STK40: variants seen among roughly 807,000 people sequenced by gnomAD.
STK40 encodes the protein serine/threonine kinase 40.
In STK40, 13 loss-of-function variants were observed where a neutral mutation model predicts 47.9. The ratio of observed to expected loss-of-function variants is 0.27; its 90% CI spans 0.18 to 0.43. The LOEUF (loss-of-function observed/expected upper bound fraction) is 0.43. STK40 is among the 20% of genes least tolerant of loss of function. The pLI is 1.00. For synonymous variants in STK40, 225 were observed against 243.2 expected (o/e 0.93, Z 0.69); for missense variants, 460 against 595.1 (o/e 0.77, Z 2.36).
chr1:36,362,992 C>G (rs912781765), intron 1 of STK40, among the ~76,000 whole-genome samples: 1 of 152,156 alleles, frequency 6.6e-6, no homozygotes, highest in Non-Finnish European at 1.5e-5. Flanking sequence ...CCCGTCTCTA[C>G]TAAAAATACA....
chr1:36,382,337 G>A (rs1483156308), intron 1 of STK40, among the ~76,000 whole-genome samples: 2 of 151,998 alleles, frequency 1.3e-5, no homozygotes, highest in African/African-American at 2.4e-5. Context: ...GTATGACCAT[G>A]CCCAGCTAAT....
intron 4 of STK40, 39 bp downstream of exon 4, chr1:36,358,200 C>A (rs779294518): frequency 2.0e-6 from 3 of 1,537,136 alleles, no homozygotes; most frequent in Admixed American, 3.6e-5. Context: ...CAGAGCCAGC[C>A]AGAGGTGAGC....
intron 1 of STK40, among the ~76,000 whole-genome samples, chr1:36,374,383 T>C (rs1218530641): frequency 6.6e-6 from 1 of 152,202 alleles, no homozygotes; most frequent in Non-Finnish European, 1.5e-5. Flanking sequence ...AGAGAAGCTT[T>C]CTCTGCAGGC....
chr1:36,358,430 A>G (rs1412386990), intron 3 of STK40, 48 bp from the exon 4 acceptor site: 1 of 1,560,400 alleles, frequency 6.4e-7, no homozygotes, highest in South Asian at 1.2e-5. Context: ...ACCTCACTTT[A>G]CACAGCAGAA....
intron 1 of STK40, among the ~76,000 whole-genome samples, chr1:36,365,522 G>C (rs1204409911): frequency 1.3e-5 from 2 of 152,214 alleles, no homozygotes; most frequent in African/African-American, 4.8e-5. Context: ...GGCTTGGCTG[G>C]GCCTTCTGCC....
At chr1:36,355,134 C>G (rs1030705136) in intron 5 of STK40, 72 bp downstream of exon 5, 2 of 1,496,896 alleles carry the variant, frequency 1.3e-6, no homozygotes, top group African/African-American at 2.8e-5. Context: ...GACAGAGCTG[C>G]CTTCTGCTCA....
Position 36,341,880 on chromosome 1 carries a change from C to T in STK40, c.1183G>A (p.Ala395Thr), listed in dbSNP as rs3795498. ...TGCCGCTTGGGTACCCAGCTCCGGGCGTCATGGATGGAGCTCTTCTCCTCG... is the reference window on the plus strand; with the variant it reads ...TGCCGCTTGGGTACCCAGCTCCGGGTGTCATGGATGGAGCTCTTCTCCTCG... ...LAEEKSSIHD[A>T]RSWVPKRQFG... is the part of the protein sequence containing the mutation. Residue 395 changes from alanine (A) to threonine (T), a missense_variant, in exon 11 of 11, where the codon GCC becomes ACC. Physicochemically the swap from Ala to Thr is moderately conservative, Grantham distance 58 (BLOSUM62 0). Around this residue, in one of 3 missense-constraint regions of STK40, gnomAD observed 181 missense variants for 218.9 expected, o/e 0.83. Transcript: ENST00000373132. 0.24 allele frequency: 391,606 copies of T among 1,613,862 alleles called. 49,076 individuals are homozygous for T. Among genetic ancestry groups the T allele is most frequent in the Non-Finnish European group, 0.26 (308,501 of 1,179,920 alleles).
At chr1:36,342,289 T>G (rs1246650236) in intron 10 of STK40, 1 of 377,510 alleles carries the variant, frequency 2.6e-6, no homozygotes, top group Non-Finnish European at 5.0e-6. Flanking sequence ...CTCGCAAAGG[T>G]TCTCTGAGCC....
At chr1:36,367,468 C>T (rs1327283096) in intron 1 of STK40, among the ~76,000 whole-genome samples, 4 of 152,178 alleles carry the variant, frequency 2.6e-5, no homozygotes, top group African/African-American at 4.8e-5. Flanking sequence ...TCATCTCACC[C>T]TAAAGCTACC....
intron 5 of STK40, 90 bp from the exon 6 acceptor site, chr1:36,354,506 G>T: frequency 7.5e-7 from 1 of 1,339,098 alleles, no homozygotes; most frequent in South Asian, 1.2e-5. Context: ...CCAGGTGTTC[G>T]AGAAGGCAGG....
intron 7 of STK40, among the ~76,000 whole-genome samples, chr1:36,344,615 T>C (rs1247008182): frequency 1.3e-5 from 2 of 152,198 alleles, no homozygotes; most frequent in Non-Finnish European, 2.9e-5. Flanking sequence ...CCAGATGAGC[T>C]GGCCGCTCCT....
At chr1:36,360,362 G>A (rs1037869132) in intron 2 of STK40, among the ~76,000 whole-genome samples, 2 of 152,146 alleles carry the variant, frequency 1.3e-5, no homozygotes, top group African/African-American at 4.8e-5. Context: ...GAAATGCTTT[G>A]CTGCTCCTCT....
At chr1:36,371,658 C>T (rs1244325258) in intron 1 of STK40, among the ~76,000 whole-genome samples, 1 of 139,746 alleles carries the variant, frequency 7.2e-6, no homozygotes, top group Non-Finnish European at 1.5e-5. Context: ...GTACTCCAGC[C>T]TGCGTGACAG....
intron 1 of STK40, among the ~76,000 whole-genome samples, chr1:36,383,849 C>T (rs1475888381): frequency 6.6e-6 from 1 of 152,006 alleles, no homozygotes; most frequent in Non-Finnish European, 1.5e-5. Context: ...AGTATTCATT[C>T]TCACCTGGCT....
chr1:36,355,446 G>C lies in STK40; in HGVS notation c.343-13C>G, dbSNP rs776698909. ...CACAGGTGCGGTCCTGGGAGGCAAGGGGGTAGCGCAGGGCTTGGCTGTGAA... is the reference window on the plus strand; with the variant it reads ...CACAGGTGCGGTCCTGGGAGGCAAGCGGGTAGCGCAGGGCTTGGCTGTGAA... On this transcript the variant is annotated splice_polypyrimidine_tract_variant and intron_variant, in intron 4 of 10. Transcript: ENST00000373132. The C allele has an allele frequency of 9.5e-5, 154 of 1,614,040 alleles. No individual in the cohort carries two copies. Among genetic ancestry groups the C allele is most frequent in the Non-Finnish European group, 1.2e-4 (139 of 1,179,892 alleles).
chr1:36,355,156 A>G (rs1646791232), intron 5 of STK40, 50 bp downstream of exon 5: 1 of 1,583,814 alleles, frequency 6.3e-7, no homozygotes, highest in African/African-American at 1.3e-5. Context: ...CAGCAGCAAG[A>G]AAGGTGGCTT....
At chr1:36,370,774 T>A (rs1017314530) in intron 1 of STK40, among the ~76,000 whole-genome samples, 1 of 152,218 alleles carries the variant, frequency 6.6e-6, no homozygotes, top group Non-Finnish European at 1.5e-5. Context: ...CATGGGGGAT[T>A]GGTTCCAGGA....
At chr1:36,370,184 C>A (rs1646933246) in intron 1 of STK40, among the ~76,000 whole-genome samples, 1 of 152,266 alleles carries the variant, frequency 6.6e-6, no homozygotes, top group African/African-American at 2.4e-5. Flanking sequence ...TGGAGAGCAA[C>A]CCCTACTGAA....
rs748717070 is a variant in STK40, at chr1:36,355,311, G to A, written c.465C>T (p.Asp155=). ...CAHDFSDKTA[D]LINLQHYVIK... is the part of the protein sequence containing the mutation. ...TGACGTAGTGCTGCAGGTTGATGAG[G>A]TCAGCGGTCTTATCGCTGAAGTCAT... The change falls in exon 5 of 11, where the codon GAC becomes GAT. Residue 155 remains aspartate, a synonymous_variant. Transcript: ENST00000373132. 58 of 1,614,014 alleles carry A rather than the reference G, an allele frequency of 3.6e-5. No homozygotes were observed. In the Admixed American group the frequency reaches 4.3e-4, roughly 12 times the overall value.
Sources: allele counts gnomAD v4.1 joint callset (sites outside exome capture counted in the v4.1 genomes callset), GRCh38; gene constraint gnomAD v4.1.1; regional missense constraint gnomAD v4.1.1; transcripts MANE v1.5; gene names NCBI Gene and HGNC (gene_info 2026-07-23, HGNC 2026-07-21).